Variants in SOX5 observed in about 807,000 individuals in gnomAD.
SOX5 encodes SRY-box transcription factor 5.
In SOX5, 9 loss-of-function variants were observed where a neutral mutation model predicts 92.0. That is an observed-to-expected ratio of 0.10 (90% CI 0.06 to 0.17). The LOEUF (loss-of-function observed/expected upper bound fraction) is 0.17. Among genes scored for constraint, SOX5 ranks in the 10% least tolerant of loss-of-function variants. The pLI is 1.00. For missense variants in SOX5, 642 were observed against 944.5 expected (o/e 0.68, Z 4.20); for synonymous variants, 344 against 336.3 (o/e 1.02, Z -0.25).
intron 1 of SOX5, among the ~76,000 whole-genome samples, chr12:24,537,344 G>C (rs1027072964): frequency 6.6e-6 from 1 of 152,162 alleles, no homozygotes; most frequent in African/African-American, 2.4e-5. Flanking sequence ...TTTTAGCTGA[G>C]TATCTAAAAT....
At chr12:24,157,428 G>A (rs1430617604) in intron 4 of SOX5, among the ~76,000 whole-genome samples, 1 of 152,062 alleles carries the variant, frequency 6.6e-6, no homozygotes, top group African/African-American at 2.4e-5. Flanking sequence ...CAAATGCAGA[G>A]AAACAAATAC....
intron 4 of SOX5, among the ~76,000 whole-genome samples, chr12:24,005,052 C>T (rs1191334429): frequency 6.6e-6 from 1 of 151,808 alleles, no homozygotes; most frequent in East Asian, 1.9e-4. Context: ...TATTAAATGT[C>T]CAAAAAGGCA....
intron 1 of SOX5, among the ~76,000 whole-genome samples, chr12:24,459,277 T>G (rs1943365220): frequency 1.3e-5 from 2 of 152,152 alleles, no homozygotes; most frequent in African/African-American, 2.4e-5. Flanking sequence ...GGAGTGCTGT[T>G]TCTGAATGAT....
intron 4 of SOX5, among the ~76,000 whole-genome samples, chr12:24,067,457 T>A (rs1251342631): frequency 6.6e-6 from 1 of 151,974 alleles, no homozygotes; most frequent in African/African-American, 2.4e-5. Context: ...AGTTAAAATA[T>A]CCTTTGTCGG....
At chr12:23,842,479 G>T (rs1391662508) in intron 3 of SOX5, among the ~76,000 whole-genome samples, 1 of 152,058 alleles carries the variant, frequency 6.6e-6, no homozygotes, top group African/African-American at 2.4e-5. Context: ...TCTGCTCAGA[G>T]GCCCTCAAAG....
intron 3 of SOX5, among the ~76,000 whole-genome samples, chr12:23,821,845 T>C (rs1477356117): frequency 6.6e-6 from 1 of 152,210 alleles, no homozygotes; most frequent in Non-Finnish European, 1.5e-5. Context: ...TGGTTTATTC[T>C]TGGGAGGGTG....
chr12:24,432,588 C>A (rs926509998), intron 1 of SOX5, among the ~76,000 whole-genome samples: 8 of 152,020 alleles, frequency 5.3e-5, no homozygotes, highest in African/African-American at 1.7e-4. Context: ...GCCAAGGCAG[C>A]AGATCACGAG....
chr12:23,993,899 G>GCA (rs1950790781), intron 4 of SOX5, among the ~76,000 whole-genome samples: 1 of 151,930 alleles, frequency 6.6e-6, no homozygotes, highest in East Asian at 1.9e-4. Context: ...ATGTATGTAT[G>GCA]TATGTATGTA....
intron 1 of SOX5, among the ~76,000 whole-genome samples, chr12:23,911,880 T>C (rs1325188639): frequency 6.6e-6 from 1 of 152,172 alleles, no homozygotes; most frequent in Non-Finnish European, 1.5e-5. Flanking sequence ...CTTCGTGGCC[T>C]TGGGTTAGGC....
chr12:24,019,571 T>C (rs755784273), intron 4 of SOX5, among the ~76,000 whole-genome samples: 9 of 152,346 alleles, frequency 5.9e-5, no homozygotes, highest in Middle Eastern at 3.4e-3. Flanking sequence ...CTATGTTTAT[T>C]TCACACTGCA....
At chr12:24,224,595 T>C (rs556957873) in intron 3 of SOX5, among the ~76,000 whole-genome samples, 1 of 152,262 alleles carries the variant, frequency 6.6e-6, no homozygotes, top group South Asian at 2.1e-4. Flanking sequence ...TGTGTCTCTC[T>C]GTGCCAGAAT....
chr12:24,204,873 C>CAA (rs35557126), intron 4 of SOX5, among the ~76,000 whole-genome samples: 20,500 of 152,006 alleles, frequency 0.13, 1,862 homozygotes, highest in East Asian at 0.49. Context: ...TCATGTTTAC[C>CAA]TCCTCTCACT....
intron 4 of SOX5, among the ~76,000 whole-genome samples, chr12:24,038,268 GATGTGGA>G (rs1415848097): frequency 1.3e-5 from 2 of 152,150 alleles, no homozygotes; most frequent in African/African-American, 4.8e-5. Context: ...CAGTGGCAGG[GATGTGGA>G]ATTCACTGGC....
chr12:23,732,106 A>G (rs2140867049), intron 6 of SOX5, among the ~76,000 whole-genome samples: 1 of 152,314 alleles, frequency 6.6e-6, no homozygotes, highest in Admixed American at 6.5e-5. Flanking sequence ...TATTTGCTAT[A>G]CATTCCAATT....
intron 3 of SOX5, among the ~76,000 whole-genome samples, chr12:23,809,825 A>G (rs1177064157): frequency 1.3e-5 from 2 of 150,888 alleles, no homozygotes; most frequent in Non-Finnish European, 3.0e-5. Flanking sequence ...TCCAATTGAT[A>G]ACAGACTGAA....
chr12:24,177,212 T>G (rs905449227), intron 4 of SOX5, among the ~76,000 whole-genome samples: 1 of 152,174 alleles, frequency 6.6e-6, no homozygotes, highest in Non-Finnish European at 1.5e-5. Flanking sequence ...ACCTGCATTT[T>G]TTAGCTGAGG....
At chr12:24,535,240 C>A (rs991334580) in intron 1 of SOX5, among the ~76,000 whole-genome samples, 2 of 152,188 alleles carry the variant, frequency 1.3e-5, no homozygotes, top group Non-Finnish European at 2.9e-5. Flanking sequence ...ACCCCTTCTG[C>A]AAAATAATAC....
intron 6 of SOX5, among the ~76,000 whole-genome samples, chr12:23,710,728 T>C (rs145451981): frequency 0.019 from 2,881 of 152,342 alleles, 25 homozygotes; most frequent in South Asian, 0.028. Context: ...TATAGCAGCA[T>C]GATTTATAAT....
intron 3 of SOX5, among the ~76,000 whole-genome samples, chr12:24,223,544 A>T (rs189515533): frequency 1.8e-4 from 28 of 152,280 alleles, no homozygotes; most frequent in African/African-American, 6.5e-4. Flanking sequence ...GCTTGAGGCC[A>T]GCATTTTGAG....
Sources: allele counts gnomAD v4.1 joint callset (sites outside exome capture counted in the v4.1 genomes callset), GRCh38; gene constraint gnomAD v4.1.1; transcripts MANE v1.5; gene names NCBI Gene and HGNC (gene_info 2026-07-23, HGNC 2026-07-21).